CTNND2: variants seen among roughly 807,000 people sequenced by gnomAD.
CTNND2 encodes the protein catenin delta 2, also known as catenin delta-2.
CTNND2 carries 22 observed loss-of-function variants against 144.4 expected under a neutral mutation model. The observed-to-expected ratio is 0.15, with a 90% CI of 0.11 to 0.22. The LOEUF (loss-of-function observed/expected upper bound fraction) is 0.22. Among genes scored for constraint, CTNND2 ranks in the 10% least tolerant of loss-of-function variants. The pLI, the probability that CTNND2 is intolerant of heterozygous loss-of-function variation, is 1.00. For synonymous variants in CTNND2, 751 were observed against 695.6 expected (o/e 1.08, Z -1.25); for missense variants, 1,353 against 1,618.8 (o/e 0.84, Z 2.82).
Position 11,365,634 on chromosome 5 carries a change from A to G in CTNND2, c.1178-744T>C, listed in dbSNP as rs1756904337. Among the ~76,000 whole-genome samples, 3 of 152,194 alleles carry G rather than the reference A, an allele frequency of 2.0e-5. No individual in the cohort carries two copies. The South Asian group carries it at 6.2e-4, about 31-fold the overall frequency. On this transcript the variant is annotated intron_variant, in intron 7 of 21. Coordinates refer to ENST00000304623, the MANE Select transcript of CTNND2 (RefSeq NM_001332.4). ...TCACTTCATTGCATGATATGGGAAG[A>G]GGTGTTGATGTGAGGCAATGCTATG...
intron 2 of CTNND2, among the ~76,000 whole-genome samples, chr5:11,640,183 A>G (rs1314540436): frequency 6.6e-6 from 1 of 152,242 alleles, no homozygotes; most frequent in Non-Finnish European, 1.5e-5. Context: ...TATGTAATAG[A>G]AAAACTCTGT....
At chr5:11,875,256 C>T (rs139414681) in intron 1 of CTNND2, among the ~76,000 whole-genome samples, 25 of 152,302 alleles carry the variant, frequency 1.6e-4, no homozygotes, top group African/African-American at 6.0e-4. Flanking sequence ...AACTTCAAAA[C>T]TACCTCCCTC....
intron 9 of CTNND2, among the ~76,000 whole-genome samples, chr5:11,300,494 T>C (rs1015728707): frequency 6.6e-6 from 1 of 152,070 alleles, no homozygotes; most frequent in African/African-American, 2.4e-5. Flanking sequence ...CTCCACCTCC[T>C]AGTGTGAATA....
At chr5:11,400,743 AG>A (rs1760569417) in intron 5 of CTNND2, among the ~76,000 whole-genome samples, 1 of 152,134 alleles carries the variant, frequency 6.6e-6, no homozygotes, top group South Asian at 2.1e-4. Flanking sequence ...AATTGGTTAG[AG>A]ACTACACAGC....
At chr5:11,444,116 A>C (rs961063388) in intron 3 of CTNND2, among the ~76,000 whole-genome samples, 1 of 152,230 alleles carries the variant, frequency 6.6e-6, no homozygotes, top group African/African-American at 2.4e-5. Flanking sequence ...GCCAAAATTC[A>C]GGAGCATTAA....
Position 11,903,497 on chromosome 5 carries a change from G to A in CTNND2, c.37+320C>T, listed in dbSNP as rs1415059165. 1 of 671,576 alleles carries A rather than the reference G, an allele frequency of 1.5e-6. No individual in the cohort carries two copies. The highest frequency in any genetic ancestry group is 2.1e-6 in the Non-Finnish European group (1 of 486,974). 41.6% of individuals were successfully genotyped at this position (671,576 alleles called of 1,614,324 possible). ...GCACCGAGTATGTTCTCAGGGTGGC[G>A]GGGAGCAGCATTGTCGGTGTTGCCC... is the stretch of plus-strand genomic sequence containing the variant. On this transcript the variant is annotated intron_variant, in intron 1 of 21. Transcript: ENST00000304623. The surrounding 1 kb of genome is among the most constrained non-coding windows in gnomAD (Gnocchi z 5.4).
At chr5:11,030,758 T>G (rs982738103) in intron 16 of CTNND2, among the ~76,000 whole-genome samples, 1 of 87,578 alleles carries the variant, frequency 1.1e-5, no homozygotes, top group African/African-American at 3.0e-5. Context: ...GTTTCTGTTT[T>G]TTTTTTTTTT....
intron 1 of CTNND2, among the ~76,000 whole-genome samples, chr5:11,829,805 G>A (rs960139622): frequency 5.8e-4 from 88 of 152,210 alleles, no homozygotes; most frequent in Admixed American, 5.6e-3. Context: ...CAGAATGGTA[G>A]ATCCACTGAT....
intron 16 of CTNND2, among the ~76,000 whole-genome samples, chr5:11,024,763 A>G (rs1742644284): frequency 6.6e-6 from 1 of 152,208 alleles, no homozygotes; most frequent in Non-Finnish European, 1.5e-5. Flanking sequence ...TGTTGGTATT[A>G]TCATTTTGAA....
At chr5:11,501,292 T>C (rs1770498603) in intron 3 of CTNND2, among the ~76,000 whole-genome samples, 1 of 152,218 alleles carries the variant, frequency 6.6e-6, no homozygotes, top group Admixed American at 6.5e-5. Flanking sequence ...TTTCACATGC[T>C]CCAAGAACAA....
chr5:11,689,983 G>A (rs192014910), intron 2 of CTNND2, among the ~76,000 whole-genome samples: 1 of 152,298 alleles, frequency 6.6e-6, no homozygotes, highest in African/African-American at 2.4e-5. Context: ...GTACTGTGAA[G>A]AATACAGAGC....
chr5:11,177,647 T>A (rs1210002233), intron 11 of CTNND2, among the ~76,000 whole-genome samples: 2 of 152,116 alleles, frequency 1.3e-5, no homozygotes, highest in Non-Finnish European at 2.9e-5. Flanking sequence ...TTTTTTTTGG[T>A]CTTGTTCACA....
intron 9 of CTNND2, among the ~76,000 whole-genome samples, chr5:11,305,805 C>G (rs182677140): frequency 1.3e-5 from 2 of 152,194 alleles, no homozygotes; most frequent in East Asian, 1.9e-4. Context: ...GTGTTCTTCT[C>G]GAGCGCATCT....
chr5:11,162,081 G>C (rs545543708), intron 11 of CTNND2, among the ~76,000 whole-genome samples: 75 of 118,936 alleles, frequency 6.3e-4, no homozygotes, highest in South Asian at 2.1e-3. Flanking sequence ...ACCTGGGAGT[G>C]GGGGGGGGTT....
intron 7 of CTNND2, among the ~76,000 whole-genome samples, chr5:11,371,197 T>C (rs555625142): frequency 6.6e-6 from 1 of 152,256 alleles, no homozygotes; most frequent in Non-Finnish European, 1.5e-5. Flanking sequence ...TACTCTATGA[T>C]AGTTGATGGC....
chr5:11,499,803 C>G (rs901598219), intron 3 of CTNND2, among the ~76,000 whole-genome samples: 27 of 152,076 alleles, frequency 1.8e-4, no homozygotes, highest in African/African-American at 6.3e-4. Context: ...TCTTAAGGCT[C>G]TTTTACTTAA....
At chr5:11,753,074 T>C (rs1319762777) in intron 1 of CTNND2, among the ~76,000 whole-genome samples, 1 of 151,936 alleles carries the variant, frequency 6.6e-6, no homozygotes, top group African/African-American at 2.4e-5. Context: ...CTACGAGCTC[T>C]GGGGCAGAGA....
chr5:11,737,631 A>G (rs1214630811), intron 1 of CTNND2, among the ~76,000 whole-genome samples: 1 of 152,212 alleles, frequency 6.6e-6, no homozygotes, highest in African/African-American at 2.4e-5. Flanking sequence ...GAGCAGTGTT[A>G]CGGACAGAAC....
rs200516828 is a variant in CTNND2 at position 11,356,011 on chromosome 5, T to G, written c.1372+8685A>C. On this transcript the variant is annotated intron_variant, in intron 8 of 21. Transcript: ENST00000304623. ...CCGAGGAGATAAAAGGCCTTTACAC[T>G]GAAAACTATAAAACTTCAATTAAAG... Among the ~76,000 whole-genome samples the G allele has an allele frequency of 3.7e-4, 56 of 152,004 alleles. No individual in the cohort carries two copies. The East Asian group carries it at 0.01, about 28-fold the overall frequency.
Sources: allele counts gnomAD v4.1 joint callset (sites outside exome capture counted in the v4.1 genomes callset), GRCh38; gene constraint gnomAD v4.1.1; non-coding constraint Gnocchi (gnomAD v3.1); transcripts MANE v1.5; gene names NCBI Gene and HGNC (gene_info 2026-07-23, HGNC 2026-07-21).